The following TMIGD3 variants were observed in gnomAD, a reference collection of about 807,000 sequenced individuals.
TMIGD3 encodes transmembrane and immunoglobulin domain containing 3, also known as AD026 protein (AD026).
In TMIGD3, 21 loss-of-function variants were observed where a neutral mutation model predicts 28.1. That is an observed-to-expected ratio of 0.75 (90% CI 0.53 to 1.08). TMIGD3 has a LOEUF of 1.08. Among genes scored for constraint, TMIGD3 ranks in the 50% least tolerant of loss-of-function variants. The pLI, the probability that TMIGD3 is intolerant of heterozygous loss-of-function variation, is 0.00. For missense variants in TMIGD3, 416 were observed against 435.6 expected (o/e 0.96, Z 0.40); for synonymous variants, 151 against 162.1 (o/e 0.93, Z 0.52).
At chr1:111,532,309 G>A (rs1656485004) in intron 1 of TMIGD3, among the ~76,000 whole-genome samples, 1 of 152,196 alleles carries the variant, frequency 6.6e-6, no homozygotes, top group Non-Finnish European at 1.5e-5. Context: ...CTCAACCACA[G>A]GAAGGAGATA....
intron 1 of TMIGD3, among the ~76,000 whole-genome samples, chr1:111,513,688 G>A (rs1028616178): frequency 3.9e-5 from 6 of 152,138 alleles, no homozygotes; most frequent in South Asian, 2.1e-4. Context: ...AGGGCCAACA[G>A]AACTCTAGGT....
chr1:111,506,006 A>G (rs180722985), upstream of TMIGD3, among the ~76,000 whole-genome samples: 35 of 152,200 alleles, frequency 2.3e-4, no homozygotes, highest in Admixed American at 1.1e-3. Flanking sequence ...CCCTGTGCAC[A>G]CACTCTTTGT....
intron 5 of TMIGD3, chr1:111,485,465 C>T (rs570941064): frequency 2.2e-4 from 77 of 352,408 alleles, no homozygotes; most frequent in Non-Finnish European, 3.2e-4. Flanking sequence ...GGTGGCTCTG[C>T]AGATGGGAAC....
intron 1 of TMIGD3, among the ~76,000 whole-genome samples, chr1:111,535,228 A>G (rs1460260473): frequency 2.0e-5 from 3 of 152,246 alleles, no homozygotes; most frequent in South Asian, 2.1e-4. Context: ...ATCGAAATGT[A>G]TCCACCCACC....
At chr1:111,500,253 T>C (rs1185992518) in intron 1 of TMIGD3, 11 of 1,614,226 alleles carry the variant, frequency 6.8e-6, no homozygotes, top group Admixed American at 1.7e-5. Flanking sequence ...AAAATGCACC[T>C]GTCTCTTTGG....
At chr1:111,556,213 A>G (rs59243465) in intron 1 of TMIGD3, among the ~76,000 whole-genome samples, 3,821 of 152,268 alleles carry the variant, frequency 0.025, 155 homozygotes, top group African/African-American at 0.086. Flanking sequence ...AAAACCCACA[A>G]TGAGATATCA....
At chr1:111,529,870 A>G (rs1288843517) in intron 1 of TMIGD3, among the ~76,000 whole-genome samples, 2 of 152,026 alleles carry the variant, frequency 1.3e-5, no homozygotes, top group African/African-American at 4.8e-5. Context: ...GCCCGTTCTC[A>G]ATGAGCTGTT....
At chr1:111,513,838 G>T (rs1407238367) in intron 1 of TMIGD3, among the ~76,000 whole-genome samples, 1 of 152,166 alleles carries the variant, frequency 6.6e-6, no homozygotes, top group East Asian at 1.9e-4. Flanking sequence ...TTGTTTCTGA[G>T]CAAATGGAAC....
intron 5 of TMIGD3, 120 bp downstream of exon 5, chr1:111,485,620 G>T: frequency 2.7e-6 from 2 of 734,788 alleles, no homozygotes; most frequent in Non-Finnish European, 4.5e-6. Context: ...TGGCTGCATT[G>T]GTCTCCAGGT....
Position 111,543,832 on chromosome 1 carries a change from G to A in TMIGD3, c.107+20014C>T, listed in dbSNP as rs554213333. On this transcript the variant is annotated intron_variant, in intron 1 of 5. Coordinates refer to the TMIGD3 transcript ENST00000369717. Reference sequence around the variant, plus strand: ...CATTCATTTTGTTATCCCAGGGTGGGCCATTTTGAAGTTGGTAAGGGTTTA... The same window carrying A: ...CATTCATTTTGTTATCCCAGGGTGGACCATTTTGAAGTTGGTAAGGGTTTA... Among the ~76,000 whole-genome samples, 6 of 152,216 alleles carry A rather than the reference G, an allele frequency of 3.9e-5. No homozygotes were observed. In the East Asian group the frequency reaches 9.6e-4, roughly 24 times the overall value.
At chr1:111,544,495 T>C (rs963521785) in intron 1 of TMIGD3, among the ~76,000 whole-genome samples, 1 of 152,214 alleles carries the variant, frequency 6.6e-6, no homozygotes, top group African/African-American at 2.4e-5. Flanking sequence ...TTCAGCATAA[T>C]GTTTTGAAGG....
At chr1:111,549,334 T>C (rs2101033418) in intron 1 of TMIGD3, among the ~76,000 whole-genome samples, 1 of 151,720 alleles carries the variant, frequency 6.6e-6, no homozygotes, top group African/African-American at 2.4e-5. Context: ...TTCTTGTCTT[T>C]TTCCTTTTTT....
intron 1 of TMIGD3, among the ~76,000 whole-genome samples, chr1:111,516,487 C>T (rs1031353619): frequency 6.6e-5 from 10 of 152,188 alleles, no homozygotes; most frequent in Non-Finnish European, 1.3e-4. Flanking sequence ...TCTGTTTCCT[C>T]TCCTAAATTT....
At chr1:111,514,801 C>T (rs183669658) in intron 1 of TMIGD3, among the ~76,000 whole-genome samples, 64 of 152,274 alleles carry the variant, frequency 4.2e-4, no homozygotes, top group Admixed American at 9.2e-4. Flanking sequence ...CGGGCCTGGA[C>T]CACACTAGCA....
intron 1 of TMIGD3, among the ~76,000 whole-genome samples, chr1:111,550,640 CT>C (rs1443148887): frequency 6.6e-6 from 1 of 152,082 alleles, no homozygotes. Flanking sequence ...ATTTAGGAAC[CT>C]TCCTGATTTA....
At chr1:111,527,463 C>T (rs950203539) in intron 1 of TMIGD3, among the ~76,000 whole-genome samples, 7 of 152,178 alleles carry the variant, frequency 4.6e-5, no homozygotes, top group East Asian at 1.9e-4. Flanking sequence ...AAATCTGTTA[C>T]AAACACTCAT....
At chr1:111,490,324 T>C (rs1654596408) in intron 2 of TMIGD3, 1 of 236,362 alleles carries the variant, frequency 4.2e-6, no homozygotes, top group Non-Finnish European at 8.2e-6. Context: ...GGGAAAAATA[T>C]GGAATGCGTA....
chr1:111,503,124 TG>T lies in TMIGD3; in HGVS notation c.230del (p.Thr77LysfsTer10). ...PLAIVVSLGI[T>X]IHFYSCLFMT... ...TAAAAAGGCAGCTGTAGAAGTGGAT[TG>T]TGATGCCCAGGCTGACAACAATGGC... On this transcript the variant is annotated frameshift_variant, in exon 1 of 6. Coordinates refer to ENST00000369716, the MANE Select transcript of TMIGD3 (RefSeq NM_020683.7). LOFTEE classifies it high-confidence loss of function. 6.2e-7 allele frequency: 1 copy of T among 1,614,128 alleles called. No homozygotes were observed. Among genetic ancestry groups the T allele is most frequent in the Non-Finnish European group, 8.5e-7 (1 of 1,180,012 alleles).
intron 3 of TMIGD3, among the ~76,000 whole-genome samples, 153 bp downstream of exon 3, chr1:111,488,524 C>T (rs1253208825): frequency 6.6e-6 from 1 of 152,152 alleles, no homozygotes; most frequent in Admixed American, 6.5e-5. Flanking sequence ...AATGACCACC[C>T]TATGTTTGCC....
Sources: allele counts gnomAD v4.1 joint callset (sites outside exome capture counted in the v4.1 genomes callset), GRCh38; gene constraint gnomAD v4.1.1; transcripts MANE v1.5; gene names NCBI Gene and HGNC (gene_info 2026-07-23, HGNC 2026-07-21).